Variants in NRXN1 observed in about 807,000 individuals in gnomAD.
NRXN1 encodes the protein neurexin-1.
A neutral mutation model predicts 150.9 loss-of-function variants in NRXN1; 39 were observed. The observed-to-expected ratio is 0.26, with a 90% CI of 0.20 to 0.34. The LOEUF is 0.34. Ranked by LOEUF, NRXN1 falls within the 10% of genes least tolerant of loss-of-function variation. The probability of loss-of-function intolerance (pLI) is 1.00; values close to 1 mark genes in which losing one functional copy is unlikely to be tolerated. For missense variants in NRXN1, 1,815 were observed against 1,949.9 expected, an observed-to-expected ratio of 0.93 and a Z score of 1.30; for synonymous variants, 924 against 757.0, an observed-to-expected ratio of 1.22 and a Z score of -3.62.
chr2:50,281,734 C>T (rs2152933606), intron 17 of NRXN1, among the ~76,000 whole-genome samples: 1 of 152,224 alleles, frequency 6.6e-6, no homozygotes, highest in African/African-American at 2.4e-5. Flanking sequence ...GAGACCCAGT[C>T]ATCTCAGATT....
chr2:50,503,941 A>T (rs1166387309), intron 13 of NRXN1, among the ~76,000 whole-genome samples: 1 of 152,158 alleles, frequency 6.6e-6, no homozygotes, highest in African/African-American at 2.4e-5. Flanking sequence ...AGGCCATAAC[A>T]TCAACAACGC....
intron 17 of NRXN1, among the ~76,000 whole-genome samples, chr2:50,460,474 C>T (rs1325734371): frequency 6.6e-6 from 1 of 151,984 alleles, no homozygotes; most frequent in Non-Finnish European, 1.5e-5. Context: ...TTGTTTTTCT[C>T]CCCACCTAAA....
At chr2:50,176,945 G>A (rs1228677226) in intron 18 of NRXN1, among the ~76,000 whole-genome samples, 6 of 152,036 alleles carry the variant, frequency 3.9e-5, no homozygotes, top group Non-Finnish European at 8.8e-5. Context: ...AAAAGAAAGG[G>A]AAGAGTAAAC....
chr2:50,675,090 C>T (rs2104755421), intron 5 of NRXN1, among the ~76,000 whole-genome samples: 1 of 152,106 alleles, frequency 6.6e-6, no homozygotes, highest in Non-Finnish European at 1.5e-5. Context: ...CTCCCCCTGC[C>T]TTCTGCCATG....
intron 17 of NRXN1, among the ~76,000 whole-genome samples, chr2:50,389,131 G>A (rs929229234): frequency 1.3e-5 from 2 of 151,748 alleles, no homozygotes; most frequent in Admixed American, 1.3e-4. Context: ...CTGTACCACT[G>A]TACTTGCTAG....
chr2:50,232,780 CTAGAGAA>C (rs941229883), intron 18 of NRXN1, among the ~76,000 whole-genome samples: 53 of 152,104 alleles, frequency 3.5e-4, no homozygotes, highest in African/African-American at 8.7e-4. Flanking sequence ...TATAAAATAA[CTAGAGAA>C]TAATTCATGA....
At chr2:50,530,018 G>T (rs1286143003) in intron 11 of NRXN1, among the ~76,000 whole-genome samples, 1 of 152,074 alleles carries the variant, frequency 6.6e-6, no homozygotes, top group African/African-American at 2.4e-5. Flanking sequence ...CAAATGCCTT[G>T]CCTCATCACA....
chr2:50,795,385 T>C lies in NRXN1; in HGVS notation c.832+126484A>G, dbSNP rs78937180. On this transcript the variant is annotated intron_variant, in intron 5 of 22. Transcript: ENST00000401669. ...AACCACTGTGTCAGCGGCATCAGTT[T>C]ATTTTTTCTCCCTTACTTTTATGTT... 9.3e-4 allele frequency among the ~76,000 whole-genome samples: 141 copies of C among 152,286 alleles called. 1 individual carries two copies. The highest frequency in any genetic ancestry group is 3.2e-3 in the African/African-American group (133 of 41,568).
At chr2:50,286,895 A>G (rs940506146) in intron 17 of NRXN1, among the ~76,000 whole-genome samples, 9 of 152,120 alleles carry the variant, frequency 5.9e-5, no homozygotes, top group African/African-American at 2.2e-4. Context: ...GGCTTTTTGT[A>G]ATAATACCAT....
chr2:51,000,862 A>G (rs750387155), intron 2 of NRXN1, among the ~76,000 whole-genome samples: 8 of 152,014 alleles, frequency 5.3e-5, no homozygotes, highest in Non-Finnish European at 1.2e-4. Flanking sequence ...GAAATGACAC[A>G]GAAAATATAG....
intron 8 of NRXN1, among the ~76,000 whole-genome samples, chr2:50,566,329 C>T (rs1013056932): frequency 7.2e-5 from 11 of 151,982 alleles, no homozygotes; most frequent in Non-Finnish European, 1.3e-4. Context: ...CTGCAACCTC[C>T]GCTGCCTGGG....
intron 5 of NRXN1, among the ~76,000 whole-genome samples, chr2:50,757,588 G>A (rs9309194): frequency 0.82 from 124,505 of 151,730 alleles, 51,754 homozygotes; most frequent in African/African-American, 0.95. Context: ...CACACATGCA[G>A]TATCTCCCTT....
chr2:50,051,533 A>G (rs957165287), intron 21 of NRXN1, among the ~76,000 whole-genome samples: 1 of 152,112 alleles, frequency 6.6e-6, no homozygotes, highest in Non-Finnish European at 1.5e-5. Context: ...TAACTTGCTT[A>G]TCAGTAAGTG....
At chr2:50,995,385 T>A (rs1699113294) in intron 2 of NRXN1, among the ~76,000 whole-genome samples, 1 of 151,780 alleles carries the variant, frequency 6.6e-6, no homozygotes, top group African/African-American at 2.4e-5. Context: ...ATCACCTAGG[T>A]CAGGAGTTTG....
intron 17 of NRXN1, among the ~76,000 whole-genome samples, chr2:50,243,467 C>T (rs2066219191): frequency 6.6e-6 from 1 of 151,648 alleles, no homozygotes; most frequent in Admixed American, 6.6e-5. Context: ...ACGTTGTTGA[C>T]TACTTATTAA....
chr2:49,985,699 C>A (rs1386404315), intron 21 of NRXN1, among the ~76,000 whole-genome samples: 1 of 152,192 alleles, frequency 6.6e-6, no homozygotes, highest in Non-Finnish European at 1.5e-5. Flanking sequence ...CACCAGTCAC[C>A]TTCCCAGCAA....
rs567661166 is a variant in NRXN1 at position 50,606,947 on chromosome 2, AC to A, written c.1320+13074del. Among the ~76,000 whole-genome samples the A allele has an allele frequency of 5.8e-3, 879 of 151,952 alleles. 11 individuals carry two copies. Among genetic ancestry groups the A allele is most frequent in the Non-Finnish European group, 9.9e-3 (674 of 67,904 alleles). ...AGACAAAAAGAAAGAGTTTATTAAG[AC>A]TGCAAATGAAGTGAAAAAATGCTGC... On this transcript the variant is annotated intron_variant, in intron 8 of 22. Transcript: ENST00000401669.
At chr2:50,554,779 A>G (rs962386341) in intron 8 of NRXN1, among the ~76,000 whole-genome samples, 44 of 152,292 alleles carry the variant, frequency 2.9e-4, no homozygotes, top group African/African-American at 8.9e-4. Context: ...CATCTTTCCA[A>G]TGCTGGGCCT....
At chr2:50,969,405 T>C (rs182746745) in intron 2 of NRXN1, among the ~76,000 whole-genome samples, 7 of 152,268 alleles carry the variant, frequency 4.6e-5, no homozygotes, top group Admixed American at 3.9e-4. Context: ...TAGTAAATGA[T>C]TAATAAATGC....
Sources: allele counts gnomAD v4.1 joint callset (sites outside exome capture counted in the v4.1 genomes callset), GRCh38; gene constraint gnomAD v4.1.1; transcripts MANE v1.5; gene names NCBI Gene and HGNC (gene_info 2026-07-23, HGNC 2026-07-21).